NHS: variants seen among roughly 807,000 people sequenced by gnomAD.
NHS encodes the protein actin remodeling regulator NHS.
In NHS, 5 loss-of-function variants were observed where a neutral mutation model predicts 72.5. That is an observed-to-expected ratio of 0.07 (90% confidence interval 0.04 to 0.14). The LOEUF is 0.14. Ranked by LOEUF, NHS falls within the 10% of genes least tolerant of loss-of-function variation. NHS has a pLI of 1.00. For synonymous variants in NHS, 464 were observed against 547.7 expected, an observed-to-expected ratio of 0.85 and a Z score of 2.13; for missense variants, 1,072 against 1,355.7, an observed-to-expected ratio of 0.79 and a Z score of 3.29.
rs56271300 is a variant in NHS, at chrX:17,673,177, AACACACACACACACACACACACACAC to A, written c.566-14529_566-14504del. Among the ~76,000 whole-genome samples, 263 of 65,502 alleles carry A rather than the reference AACACACACACACACACACACACACAC, an allele frequency of 4.0e-3. 2 individuals carry two copies. The highest frequency in any genetic ancestry group is 5.9e-3 in the Admixed American group (33 of 5,553). 56.9% of individuals were successfully genotyped at this position (65,502 alleles called of 115,157 possible). On this transcript the variant is annotated intron_variant, in intron 1 of 8. Coordinates refer to ENST00000676302, the MANE Select transcript of NHS (RefSeq NM_001291867.2). ...AGACCATTGCTTAGCTGGAAGATGA[AACACACACACACACACACACACACAC>A]ACACACACACACACACACACACACA...
chrX:17,732,051 G>A lies in NHS; in HGVS notation c.4543G>A (p.Glu1515Lys). The A allele has an allele frequency of 8.3e-7, 1 of 1,211,454 alleles. No individual in the cohort carries two copies. The highest frequency in any genetic ancestry group is 1.1e-6 in the Non-Finnish European group (1 of 895,471). The change falls in exon 9 of 9, where the codon GAA becomes AAA. Residue 1515 changes from glutamate to lysine, a missense_variant. Coordinates refer to ENST00000676302, the MANE Select transcript of NHS (RefSeq NM_001291867.2). Reference protein sequence around the residue: ...RNAKKSNTSNEEFKLLLLKKG... With the variant: ...RNAKKSNTSNKEFKLLLLKKG... ...TGCCAAAAAGTCCAACACATCCAAT[G>A]AAGAGTTTAAGCTGTTACTGCTCAA...
chrX:17,492,599 A>G (rs1393978665), intron 1 of NHS, among the ~76,000 whole-genome samples: 1 of 112,288 alleles, frequency 8.9e-6, no homozygotes, highest in Non-Finnish European at 1.9e-5. Flanking sequence ...GCTGAGAAGA[A>G]TTTATATTCT....
intron 1 of NHS, among the ~76,000 whole-genome samples, chrX:17,438,643 A>G (rs903550873): frequency 2.7e-5 from 3 of 112,324 alleles, no homozygotes. Flanking sequence ...TTCAGCTAGA[A>G]GATTCTGTGA....
At chrX:17,482,913 G>T (rs140797738) in intron 1 of NHS, among the ~76,000 whole-genome samples, 1,127 of 112,373 alleles carry the variant, frequency 0.01, 15 homozygotes, top group African/African-American at 0.034. Context: ...GCTATGGGGA[G>T]GGGATGGGGA....
Position 17,375,888 on chromosome X carries a change from G to A in NHS, c.131G>A (p.Arg44Lys). 1 of 1,107,740 alleles carries A rather than the reference G, an allele frequency of 9.0e-7. No homozygotes were observed. Among genetic ancestry groups the A allele is most frequent in the Non-Finnish European group, 1.2e-6 (1 of 852,998 alleles). 91.3% of individuals were successfully genotyped at this position (1,107,740 alleles called of 1,213,427 possible). A position where few individuals can be genotyped will look rare whatever the true frequency, so the allele number is the denominator to read the frequency against. Residue 44 changes from arginine (R) to lysine (K), a missense_variant, in exon 1 of 9, where the codon AGG (arginine) becomes AAG (lysine). Transcript: ENST00000676302. ...CCGCCCTTGCAGCCGCCGGGCCGGAGGGACCTGGACGAGGTCGAGGCGCCA... is the reference window on the plus strand; with the variant it reads ...CCGCCCTTGCAGCCGCCGGGCCGGAAGGACCTGGACGAGGTCGAGGCGCCA... ...PPPPLQPPGR[R>K]DLDEVEAPGP...
At chrX:17,609,016 C>T (rs1320204007) in intron 1 of NHS, among the ~76,000 whole-genome samples, 1 of 111,525 alleles carries the variant, frequency 9.0e-6, no homozygotes, top group Admixed American at 9.5e-5. Flanking sequence ...ACCAGCCCAG[C>T]CAGGAATCCA....
intron 1 of NHS, among the ~76,000 whole-genome samples, chrX:17,549,776 G>A (rs959118602): frequency 8.1e-5 from 9 of 111,368 alleles, no homozygotes; most frequent in Non-Finnish European, 1.7e-4. Flanking sequence ...GGGGATGAGG[G>A]ACCGGAGGGA....
intron 1 of NHS, among the ~76,000 whole-genome samples, chrX:17,395,746 T>C (rs182283895): frequency 3.1e-4 from 35 of 112,569 alleles, no homozygotes; most frequent in African/African-American, 1.1e-3. Flanking sequence ...GTATACTTTT[T>C]CTGGTAGGCA....
intron 1 of NHS, among the ~76,000 whole-genome samples, chrX:17,478,619 G>C (rs1202012311): frequency 8.9e-6 from 1 of 111,793 alleles, no homozygotes; most frequent in Admixed American, 9.5e-5. Context: ...ATGTGACCTT[G>C]AAATTTAAGG....
intron 1 of NHS, among the ~76,000 whole-genome samples, chrX:17,537,931 G>A (rs1239123670): frequency 9.0e-6 from 1 of 111,715 alleles, no homozygotes; most frequent in Non-Finnish European, 1.9e-5. Context: ...AAAACAAAAG[G>A]GAAGCTGTTC....
intron 1 of NHS, among the ~76,000 whole-genome samples, chrX:17,494,311 T>A (rs2065003566): frequency 9.0e-6 from 1 of 110,926 alleles, no homozygotes; most frequent in Non-Finnish European, 1.9e-5. Context: ...ATTCCTGAGA[T>A]CAAGTGATCC....
rs72616039 is a variant in NHS, at chrX:17,426,769, G to C, written c.565+50447G>C. ...TTCTATCTTCAGCATGAATGAGCAG[G>C]GTGCCTCTAAGTGAGAAGCATAATT... On this transcript the variant is annotated intron_variant, in intron 1 of 8. Coordinates refer to ENST00000676302, the MANE Select transcript of NHS (RefSeq NM_001291867.2). 1.8e-3 allele frequency among the ~76,000 whole-genome samples: 196 copies of C among 111,459 alleles called. 1 individual carries two copies. The East Asian group carries it at 0.045, about 25-fold the overall frequency.
chrX:17,381,111 G>A (rs2064375904), intron 1 of NHS, among the ~76,000 whole-genome samples: 1 of 111,190 alleles, frequency 9.0e-6, no homozygotes, highest in Non-Finnish European at 1.9e-5. Flanking sequence ...ATCTTACTGT[G>A]TTGAGAGCCT....
chrX:17,691,155 G>A (rs1475474816), intron 2 of NHS, among the ~76,000 whole-genome samples: 1 of 111,551 alleles, frequency 9.0e-6, no homozygotes, highest in Non-Finnish European at 1.9e-5. Context: ...GGGAGCGATT[G>A]AATGGAAAAT....
intron 1 of NHS, among the ~76,000 whole-genome samples, chrX:17,447,302 C>T (rs1216501578): frequency 8.9e-6 from 1 of 112,071 alleles, no homozygotes; most frequent in Non-Finnish European, 1.9e-5. Context: ...GTCTGCTAGG[C>T]ATTAGGATCA....
At chrX:17,438,002 C>G (rs180882902) in intron 1 of NHS, among the ~76,000 whole-genome samples, 1 of 111,973 alleles carries the variant, frequency 8.9e-6, no homozygotes, top group Non-Finnish European at 1.9e-5. Context: ...GTGATAAATA[C>G]GATTTTTATT....
chrX:17,546,786 C>T (rs192013910), intron 1 of NHS, among the ~76,000 whole-genome samples: 4 of 112,131 alleles, frequency 3.6e-5, no homozygotes, highest in East Asian at 5.6e-4. Context: ...TGAAAGATTG[C>T]GTAGAAATGA....
In NHS at chrX:17,682,706, G is replaced by A. The variant is rs766385479; in HGVS notation, c.566-5036G>A. ...GTAGCAGGGGAGAAAGCCAGTGTGG[G>A]GTGGGGATGTGAGGTAAGGAGGCTT... On this transcript the variant is annotated intron_variant, in intron 1 of 8. Coordinates refer to ENST00000676302, the MANE Select transcript of NHS (RefSeq NM_001291867.2). Among the ~76,000 whole-genome samples the A allele has an allele frequency of 2.7e-5, 3 of 111,309 alleles. No homozygotes were observed. The South Asian group carries it at 1.2e-3, about 43-fold the overall frequency.
In NHS at chrX:17,732,285, T is replaced by C; in HGVS notation, c.4777T>C (p.Phe1593Leu). The change falls in exon 9 of 9, where the codon TTT becomes CTT. Residue 1593 changes from phenylalanine (F) to leucine (L), a missense_variant. Physicochemically the swap from Phe to Leu is conservative, Grantham distance 22. Coordinates refer to ENST00000676302, the MANE Select transcript of NHS (RefSeq NM_001291867.2). ...VNAEGFSSKS[F>L]ATSASARVGR... ...TGCAGAAGGCTTTTCCTCGAAGAGC[T>C]TTGCCACCTCAGCATCAGCAAGGGT... 1 of 1,212,158 alleles carries C rather than the reference T, an allele frequency of 8.2e-7. No individual in the cohort carries two copies. Among genetic ancestry groups the C allele is most frequent in the Non-Finnish European group, 1.1e-6 (1 of 895,585 alleles).
Sources: allele counts gnomAD v4.1 joint callset (sites outside exome capture counted in the v4.1 genomes callset), GRCh38; gene constraint gnomAD v4.1.1; transcripts MANE v1.5; gene names NCBI Gene and HGNC (gene_info 2026-07-23, HGNC 2026-07-21).